PCLO: variants seen among roughly 807,000 people sequenced by gnomAD.
PCLO encodes piccolo presynaptic cytomatrix protein, also known as protein piccolo.
In PCLO, 82 loss-of-function variants were observed where a neutral mutation model predicts 427.5. The ratio of observed to expected loss-of-function variants is 0.19; its 90% CI spans 0.16 to 0.23. The LOEUF is 0.23. PCLO is among the 10% of genes least tolerant of loss of function. The probability of loss-of-function intolerance (pLI) is 1.00; values close to 1 mark genes in which losing one functional copy is unlikely to be tolerated. For synonymous variants in PCLO, 2,357 were observed against 2,155.4 expected (o/e 1.09, Z -2.59); for missense variants, 6,239 against 6,115.9 (o/e 1.02, Z -0.67).
chr7:82,838,748 C>T (rs1050275452), intron 14 of PCLO, among the ~76,000 whole-genome samples: 1 of 151,710 alleles, frequency 6.6e-6, no homozygotes, highest in African/African-American at 2.4e-5. Context: ...GTATTATTTG[C>T]ATTTTGCCAA....
chr7:82,778,253 A>G (rs1790796757), intron 22 of PCLO, among the ~76,000 whole-genome samples: 1 of 152,226 alleles, frequency 6.6e-6, no homozygotes, highest in Non-Finnish European at 1.5e-5. Context: ...CTTATTAAAA[A>G]GTCAAAAAAT....
rs1394098160 is a variant in PCLO at position 82,953,086 on chromosome 7, C to T, written c.7867G>A (p.Val2623Ile). Reference protein sequence around the residue: ...LVSVEPVFSVVPPVTAVEIPI... With the variant: ...LVSVEPVFSVIPPVTAVEIPI... Reference sequence around the variant, plus strand: ...ATTTCTACAGCTGTCACAGGAGGAACTACAGAAAACACAGGTTCAACAGAA... The same window carrying T: ...ATTTCTACAGCTGTCACAGGAGGAATTACAGAAAACACAGGTTCAACAGAA... Residue 2623 changes from valine (V) to isoleucine (I), a missense_variant, in exon 5 of 25, where the codon GTT (valine) becomes ATT (isoleucine). Val to Ile is a conservative substitution (Grantham distance 29, BLOSUM62 3). This residue lies in a region of PCLO where 4,677 missense variants were observed against 4,468.4 expected (regional missense o/e 1.05). Transcript: ENST00000333891. 3 of 1,613,806 alleles carry T rather than the reference C, an allele frequency of 1.9e-6. No individual in the cohort carries two copies. The African/African-American group carries it at 4.0e-5, about 22-fold the overall frequency.
rs531581126 is a variant in PCLO, at chr7:82,832,878, CTTAA to C, written c.14249+2785_14249+2788del. 1.3e-3 allele frequency among the ~76,000 whole-genome samples: 196 copies of C among 151,302 alleles called. 1 individual carries two copies. The highest frequency in any genetic ancestry group is 4.6e-3 in the African/African-American group (189 of 41,216). ...AAATTACTCCTCTGAGGTTATTTCT[CTTAA>C]TTTAGAAAAAATACAACTTGCATCC... On this transcript the variant is annotated intron_variant, in intron 16 of 24. Transcript: ENST00000333891.
At position 82,756,170 on chromosome 7, in the gene PCLO, G is replaced by A. The variant is rs1321516717; in HGVS notation, c.*2405C>T. The A allele has an allele frequency of 6.6e-6, 1 of 152,082 alleles. No homozygotes were observed. The highest frequency in any genetic ancestry group is 1.5e-5 in the Non-Finnish European group (1 of 68,028). The allele number at this position is 152,082 out of a possible 1,614,324, so 9.4% of individuals were successfully genotyped here. ...TCATGCATACCTATGGATATGAGTG[G>A]CTGCAAAAGAGGATCAGAGATGAGT... On this transcript the variant is annotated 3_prime_UTR_variant, in exon 25 of 25. Transcript: ENST00000333891.
Position 82,849,904 on chromosome 7 carries a change from T to C in PCLO, c.13655-2657A>G, listed in dbSNP as rs527644948. Among the ~76,000 whole-genome samples, 6 of 152,236 alleles carry C rather than the reference T, an allele frequency of 3.9e-5. No homozygotes were observed. The South Asian group carries it at 1.0e-3, about 26-fold the overall frequency. On this transcript the variant is annotated intron_variant, in intron 10 of 24. Coordinates refer to ENST00000333891, the MANE Select transcript of PCLO (RefSeq NM_033026.6). Reference sequence around the variant, plus strand: ...TATTATTTAGTATTATAAGTAAACATTTATATTTTCTTTACATTTAAATTA... The same window carrying C: ...TATTATTTAGTATTATAAGTAAACACTTATATTTTCTTTACATTTAAATTA...
At chr7:82,853,715 T>C (rs1231020617) in intron 10 of PCLO, among the ~76,000 whole-genome samples, 1 of 152,172 alleles carries the variant, frequency 6.6e-6, no homozygotes. Context: ...TAGCTGACTG[T>C]TGACATGTTC....
At chr7:82,970,453 A>G (rs989418586) in intron 3 of PCLO, among the ~76,000 whole-genome samples, 1 of 152,000 alleles carries the variant, frequency 6.6e-6, no homozygotes, top group Non-Finnish European at 1.5e-5. Context: ...GGATGGAATG[A>G]ATACAACAAG....
At chr7:83,037,621 C>G (rs1788827455) in intron 3 of PCLO, among the ~76,000 whole-genome samples, 1 of 151,548 alleles carries the variant, frequency 6.6e-6, no homozygotes. Flanking sequence ...CTTTCATCAA[C>G]AGAATGCCAA....
intron 6 of PCLO, among the ~76,000 whole-genome samples, chr7:82,949,208 A>G (rs575162906): frequency 1.3e-5 from 2 of 152,260 alleles, no homozygotes; most frequent in East Asian, 3.9e-4. Context: ...TTTGCTTCAC[A>G]TAATGTGTTT....
In PCLO at chr7:82,931,027, G is replaced by A. The variant is rs1032235167; in HGVS notation, c.11113-14154C>T. Among the ~76,000 whole-genome samples, 6 of 152,170 alleles carry A rather than the reference G, an allele frequency of 3.9e-5. No individual in the cohort carries two copies. In the East Asian group the frequency reaches 9.7e-4, roughly 25 times the overall value. ...CAAGTTAAGAGCCTTTTAGTGGTCC[G>A]GGAGAAAAAGACTGATGCACTTTTG... On this transcript the variant is annotated intron_variant, in intron 6 of 24. Transcript: ENST00000333891.
intron 20 of PCLO, among the ~76,000 whole-genome samples, chr7:82,807,354 A>G (rs1301140743): frequency 5.3e-5 from 8 of 152,156 alleles, no homozygotes; most frequent in African/African-American, 1.9e-4. Flanking sequence ...TTAGGAGTTT[A>G]TTAGCCAGTT....
chr7:83,011,799 T>C (rs1788083825), intron 3 of PCLO, among the ~76,000 whole-genome samples: 1 of 151,928 alleles, frequency 6.6e-6, no homozygotes. Flanking sequence ...CTGGTTGATA[T>C]GCACTTTAAA....
intron 3 of PCLO, among the ~76,000 whole-genome samples, chr7:83,044,635 T>C (rs1192121138): frequency 1.3e-5 from 2 of 152,134 alleles, no homozygotes; most frequent in Admixed American, 6.6e-5. Context: ...GAGGGTTACA[T>C]AATGAAGCAA....
intron 6 of PCLO, among the ~76,000 whole-genome samples, chr7:82,922,351 T>A (rs1392991622): frequency 6.6e-6 from 1 of 151,966 alleles, no homozygotes; most frequent in East Asian, 1.9e-4. Flanking sequence ...TGTCCATCAA[T>A]GGTAGACTAG....
At chr7:83,079,178 T>G (rs1024340491) in intron 3 of PCLO, among the ~76,000 whole-genome samples, 4 of 152,172 alleles carry the variant, frequency 2.6e-5, no homozygotes, top group African/African-American at 9.7e-5. Flanking sequence ...GATTTCTGTA[T>G]TTCAATGTGG....
At chr7:83,125,127 G>A (rs922321279) in intron 3 of PCLO, among the ~76,000 whole-genome samples, 1 of 152,166 alleles carries the variant, frequency 6.6e-6, no homozygotes, top group African/African-American at 2.4e-5. Flanking sequence ...CCAGCCGCCT[G>A]CCTTGGCCTC....
In PCLO at chr7:82,779,750, T is replaced by C. The variant is rs185936466; in HGVS notation, c.15008-18257A>G. ...TTTTTTTTTCTTTCTTTCTTTCTTT[T>C]TTTTTTTTTTAGACAGAGTCTTGCT... On this transcript the variant is annotated intron_variant, in intron 22 of 24. Transcript: ENST00000333891. Among the ~76,000 whole-genome samples, 397 of 150,356 alleles carry C rather than the reference T, an allele frequency of 2.6e-3. 1 individual carries two copies. The highest frequency in any genetic ancestry group is 8.7e-3 in the African/African-American group (357 of 41,108).
At chr7:82,822,248 A>AG in intron 20 of PCLO, 2 of 1,357,894 alleles carry the variant, frequency 1.5e-6, no homozygotes, top group Non-Finnish European at 1.9e-6. Context: ...GCTATGAGCC[A>AG]GGTTGGATGG....
In PCLO at chr7:82,954,052, C is replaced by T; in HGVS notation, c.6901G>A (p.Val2301Met). ...CCAGTTTCCTTCTTGGCTTTCTTCA[C>T]TGGGTCCTTTTCAGATATAAGTAAG... ...TDLLISEKDP[V>M]KKAKKETGNG... is the part of the protein sequence containing the mutation. The change falls in exon 5 of 25, where the codon GTG (valine) becomes ATG (methionine). Residue 2301 changes from valine to methionine, a missense_variant. Val to Met is a conservative substitution (Grantham distance 21). Transcript: ENST00000333891. The T allele has an allele frequency of 1.9e-6, 3 of 1,613,804 alleles. No individual in the cohort carries two copies. The highest frequency in any genetic ancestry group is 1.7e-5 in the Admixed American group (1 of 59,974).
Sources: allele counts gnomAD v4.1 joint callset (sites outside exome capture counted in the v4.1 genomes callset), GRCh38; gene constraint gnomAD v4.1.1; regional missense constraint gnomAD v4.1.1; transcripts MANE v1.5; gene names NCBI Gene and HGNC (gene_info 2026-07-23, HGNC 2026-07-21).